Variants in CHD7 observed in about 807,000 individuals in gnomAD.
CHD7 encodes the protein chromodomain helicase DNA binding protein 7.
CHD7 carries 24 observed loss-of-function variants against 307.3 expected under a neutral mutation model. That is an observed-to-expected ratio of 0.08 (90% CI 0.06 to 0.11). CHD7 has a LOEUF of 0.11. Among genes scored for constraint, CHD7 ranks in the 10% least tolerant of loss-of-function variants. The pLI, the probability that CHD7 is intolerant of heterozygous loss-of-function variation, is 1.00. For missense variants in CHD7, 3,106 were observed against 3,727.1 expected, an observed-to-expected ratio of 0.83 and a Z score of 4.34; for synonymous variants, 1,363 against 1,349.9, an observed-to-expected ratio of 1.01 and a Z score of -0.21.
At chr8:60,791,716 G>A (rs960372216) in intron 3 of CHD7, among the ~76,000 whole-genome samples, 3 of 152,232 alleles carry the variant, frequency 2.0e-5, no homozygotes, top group Non-Finnish European at 4.4e-5. Flanking sequence ...GTGGGGAGCT[G>A]TTGTGATTAA....
Position 60,865,067 on chromosome 8 carries a change from C to A in CHD7, c.8128C>A (p.Arg2710=). ...FDRLLTGPVV[R]GEGASRRGRR... ...CCGCCTTCTCACTGGGCCTGTAGTG[C>A]GGGGAGAGGGAGCGAGCAGAAGAGG... The change falls in exon 38 of 38, where the codon CGG becomes AGG. Residue 2710 remains arginine, a synonymous_variant. Coordinates refer to ENST00000423902, the MANE Select transcript of CHD7 (RefSeq NM_017780.4). This position sits in a 1 kb window ranked among gnomAD's most constrained non-coding sequence, Gnocchi z 4.3. 1.2e-6 allele frequency: 2 copies of A among 1,609,052 alleles called. No individual in the cohort carries two copies. Among genetic ancestry groups the A allele is most frequent in the Non-Finnish European group, 1.7e-6 (2 of 1,177,654 alleles).
chr8:60,840,173 G>A (rs189788363), intron 19 of CHD7, among the ~76,000 whole-genome samples: 69 of 152,280 alleles, frequency 4.5e-4, no homozygotes, highest in African/African-American at 1.5e-3. Flanking sequence ...TGTGAGGTAG[G>A]GGTCCAACGT....
intron 2 of CHD7, among the ~76,000 whole-genome samples, chr8:60,780,382 A>G (rs1811149258): frequency 6.6e-6 from 1 of 152,204 alleles, no homozygotes; most frequent in South Asian, 2.1e-4. Context: ...AACATGTTCC[A>G]CCTTTCATGT....
intron 1 of CHD7, among the ~76,000 whole-genome samples, chr8:60,702,687 C>A (rs1454255534): frequency 6.6e-6 from 1 of 152,172 alleles, no homozygotes; most frequent in African/African-American, 2.4e-5. Context: ...TCTTAGGGAC[C>A]AATAGCTTCG....
At chr8:60,754,906 T>G (rs1809816713) in intron 2 of CHD7, among the ~76,000 whole-genome samples, 1 of 152,210 alleles carries the variant, frequency 6.6e-6, no homozygotes, top group Admixed American at 6.5e-5. Context: ...TACTAAGTCT[T>G]TGTTAAGTAT....
At chr8:60,817,022 G>C (rs544167498) in intron 8 of CHD7, among the ~76,000 whole-genome samples, 1 of 152,188 alleles carries the variant, frequency 6.6e-6, no homozygotes, top group African/African-American at 2.4e-5. Context: ...CCAGGTATCA[G>C]TATAGAAGTA....
intron 2 of CHD7, among the ~76,000 whole-genome samples, chr8:60,754,176 G>T (rs1809776406): frequency 6.6e-6 from 1 of 152,184 alleles, no homozygotes; most frequent in African/African-American, 2.4e-5. Flanking sequence ...AGCACAGGTT[G>T]CTGGGCAGGC....
At chr8:60,782,934 A>G (rs1216955787) in intron 3 of CHD7, among the ~76,000 whole-genome samples, 2 of 152,200 alleles carry the variant, frequency 1.3e-5, no homozygotes, top group Non-Finnish European at 2.9e-5. Context: ...CCCAAGGAGA[A>G]AGAAATCAAA....
At chr8:60,820,803 G>C (rs1803992952) in intron 9 of CHD7, among the ~76,000 whole-genome samples, 1 of 152,176 alleles carries the variant, frequency 6.6e-6, no homozygotes, top group South Asian at 2.1e-4. Context: ...TCTGTGTCAT[G>C]ACACTCTATG....
intron 1 of CHD7, among the ~76,000 whole-genome samples, chr8:60,731,038 C>T (rs896025966): frequency 5.9e-5 from 9 of 152,164 alleles, no homozygotes; most frequent in African/African-American, 2.2e-4. Flanking sequence ...CCCATTCAGT[C>T]ACTTTGTAGC....
chr8:60,696,478 G>C (rs901689941), intron 1 of CHD7, among the ~76,000 whole-genome samples: 2 of 152,176 alleles, frequency 1.3e-5, no homozygotes, highest in African/African-American at 2.4e-5. Flanking sequence ...AGTTTCTTCA[G>C]CTGTGACATG....
At chr8:60,835,655 T>C (rs945719666) in intron 15 of CHD7, among the ~76,000 whole-genome samples, 1 of 152,236 alleles carries the variant, frequency 6.6e-6, no homozygotes, top group Admixed American at 6.5e-5. Flanking sequence ...TGTTTTTTCA[T>C]TTCGGAACAG....
chr8:60,801,851 A>G (rs1156667662), intron 6 of CHD7, among the ~76,000 whole-genome samples: 1 of 152,192 alleles, frequency 6.6e-6, no homozygotes, highest in Non-Finnish European at 1.5e-5. Context: ...AAATAAATGT[A>G]TGGGACTTTC....
At chr8:60,747,204 T>C (rs1809373180) in intron 2 of CHD7, among the ~76,000 whole-genome samples, 1 of 152,020 alleles carries the variant, frequency 6.6e-6, no homozygotes, top group African/African-American at 2.4e-5. Context: ...TACTCCCTAG[T>C]AGTTGGGATT....
chr8:60,781,570 A>G, intron 3 of CHD7, 140 bp downstream of exon 3: 1 of 1,247,340 alleles, frequency 8.0e-7, no homozygotes, highest in Non-Finnish European at 1.1e-6. Flanking sequence ...CTAATATCCA[A>G]ACTAAAAAGC....
Position 60,852,077 on chromosome 8 carries a change from C to G in CHD7, c.5724C>G (p.Thr1908=). ...LGQLYWPNTS[T]LTTRLRRLIT... The stretch of plus-strand genomic sequence containing the variant: ...AACTTTACTGGCCTAACACTTCAAC[C>G]CTGACTACACGTCTGCGCCGGCTCA... Residue 1908 remains threonine (T), a synonymous_variant, in exon 29 of 38, where the codon ACC becomes ACG. Transcript: ENST00000423902. The G allele has an allele frequency of 6.2e-7, 1 of 1,613,898 alleles. No individual in the cohort carries two copies. Among genetic ancestry groups the G allele is most frequent in the East Asian group, 2.2e-5 (1 of 44,882 alleles).
At position 60,865,996 on chromosome 8, in the gene CHD7, C is replaced by T; in HGVS notation, c.*63C>T. The T allele has an allele frequency of 6.5e-6, 9 of 1,390,680 alleles. No individual in the cohort carries two copies. The highest frequency in any genetic ancestry group is 8.0e-6 in the Non-Finnish European group (8 of 1,003,150). 86.1% of individuals were successfully genotyped at this position (1,390,680 alleles called of 1,614,324 possible). ...ACAAGTGGTAGTCCTACTGTTTACA[C>T]TCACAGTTAATGTTCATACCTAGTT... On this transcript the variant is annotated 3_prime_UTR_variant, in exon 38 of 38. Transcript: ENST00000423902. The surrounding 1 kb of genome is among the most constrained non-coding windows in gnomAD (Gnocchi z 4.3).
chr8:60,690,240 C>T (rs74954101), intron 1 of CHD7, among the ~76,000 whole-genome samples: 3,932 of 151,854 alleles, frequency 0.026, 177 homozygotes, highest in African/African-American at 0.089. Flanking sequence ...TTCTCCCACA[C>T]GAATAGTCTA....
chr8:60,866,385 A>G lies in CHD7; in HGVS notation c.*452A>G, dbSNP rs961719628. On this transcript the variant is annotated 3_prime_UTR_variant, in exon 38 of 38. Transcript: ENST00000423902. ...TTTACCATACATATCATACTTGCTC[A>G]TTTGTTTCCCTTTTTGACTGTATGG... is the stretch of plus-strand genomic sequence containing the variant. 2.0e-5 allele frequency: 3 copies of G among 153,690 alleles called. No individual in the cohort carries two copies. Among genetic ancestry groups the G allele is most frequent in the Non-Finnish European group, 4.4e-5 (3 of 68,914 alleles). 9.5% of individuals were successfully genotyped at this position (153,690 alleles called of 1,614,324 possible). A position where few individuals can be genotyped will look rare whatever the true frequency, so the allele number is the denominator to read the frequency against.
Sources: gnomAD v4.1 joint callset for allele counts (sites outside exome capture counted in the v4.1 genomes callset) on GRCh38, gnomAD v4.1.1 for gene constraint, Gnocchi (gnomAD v3.1) non-coding constraint, MANE v1.5 for transcripts, NCBI Gene and HGNC (gene_info 2026-07-23, HGNC 2026-07-21) for gene names.